Variants in PTPRD observed in about 807,000 individuals in gnomAD.
PTPRD encodes protein tyrosine phosphatase receptor type D, also known as receptor-type tyrosine-protein phosphatase delta.
Under a neutral mutation model 214.5 loss-of-function variants are expected in PTPRD, and 34 were observed. That is an observed-to-expected ratio of 0.16 (90% CI 0.12 to 0.21). The LOEUF (loss-of-function observed/expected upper bound fraction) is 0.21. Ranked by LOEUF, PTPRD falls within the 10% of genes least tolerant of loss-of-function variation. The pLI, the probability that PTPRD is intolerant of heterozygous loss-of-function variation, is 1.00. For synonymous variants in PTPRD, 1,128 were observed against 845.7 expected (o/e 1.33, Z -5.79); for missense variants, 2,545 against 2,398.7 (o/e 1.06, Z -1.27).
chr9:10,532,825 G>C (rs911982918), intron 2 of PTPRD, among the ~76,000 whole-genome samples: 1 of 151,788 alleles, frequency 6.6e-6, no homozygotes, highest in Non-Finnish European at 1.5e-5. Context: ...TTAGGTTGTG[G>C]TTTTCATGTA....
chr9:9,273,661 T>G (rs936084381), intron 9 of PTPRD, among the ~76,000 whole-genome samples: 1 of 151,244 alleles, frequency 6.6e-6, no homozygotes, highest in Non-Finnish European at 1.5e-5. Context: ...CTGACTCTAT[T>G]CCATAGAAAT....
At chr9:9,929,087 CAT>C (rs1166145144) in intron 5 of PTPRD, among the ~76,000 whole-genome samples, 5 of 152,042 alleles carry the variant, frequency 3.3e-5, no homozygotes, top group African/African-American at 1.2e-4. Flanking sequence ...CAATAGATAC[CAT>C]ATCTGTCCGC....
chr9:9,138,085 C>A (rs2099853819), intron 10 of PTPRD, among the ~76,000 whole-genome samples: 1 of 152,088 alleles, frequency 6.6e-6, no homozygotes. Flanking sequence ...CAAGACATTT[C>A]TCCTATGATA....
chr9:9,564,606 A>C (rs1453296473), intron 8 of PTPRD, among the ~76,000 whole-genome samples: 7 of 151,982 alleles, frequency 4.6e-5, no homozygotes. Flanking sequence ...AACAATTTTC[A>C]AACTTACTGA....
chr9:9,268,399 G>C (rs1415895720), intron 9 of PTPRD, among the ~76,000 whole-genome samples: 3 of 150,754 alleles, frequency 2.0e-5, no homozygotes, highest in Non-Finnish European at 4.5e-5. Context: ...TGTGGTGATG[G>C]ATTGAAAAAA....
chr9:9,689,729 G>T (rs2097232170), intron 7 of PTPRD, among the ~76,000 whole-genome samples: 2 of 151,850 alleles, frequency 1.3e-5, no homozygotes, highest in South Asian at 2.1e-4. Context: ...ATATGAGGAA[G>T]AGTACAATAT....
At chr9:9,899,403 G>A (rs1036437079) in intron 5 of PTPRD, among the ~76,000 whole-genome samples, 8 of 152,140 alleles carry the variant, frequency 5.3e-5, no homozygotes, top group African/African-American at 1.7e-4. Context: ...AATGTGAATC[G>A]ATATTTCTGT....
intron 7 of PTPRD, among the ~76,000 whole-genome samples, chr9:9,720,457 T>G (rs2097915378): frequency 6.6e-6 from 1 of 152,164 alleles, no homozygotes; most frequent in Non-Finnish European, 1.5e-5. Context: ...CTTATTTACT[T>G]AAGGACATGA....
chr9:10,578,520 A>G (rs1341411785), intron 2 of PTPRD, among the ~76,000 whole-genome samples: 2 of 152,176 alleles, frequency 1.3e-5, no homozygotes, highest in African/African-American at 4.8e-5. Flanking sequence ...GTCCAATAGA[A>G]ACTGTTGATT....
chr9:8,790,470 T>C (rs1319982072), intron 11 of PTPRD, among the ~76,000 whole-genome samples: 1 of 152,152 alleles, frequency 6.6e-6, no homozygotes, highest in African/African-American at 2.4e-5. Context: ...CAGGCTGTAG[T>C]GCAGTGGTGC....
chr9:9,155,099 T>C (rs2099880093), intron 10 of PTPRD, among the ~76,000 whole-genome samples: 1 of 152,138 alleles, frequency 6.6e-6, no homozygotes, highest in East Asian at 1.9e-4. Context: ...GCAATATCAG[T>C]TTCTTATGTA....
intron 8 of PTPRD, among the ~76,000 whole-genome samples, chr9:9,482,131 T>C (rs967388514): frequency 4.6e-5 from 7 of 151,782 alleles, no homozygotes; most frequent in East Asian, 3.9e-4. Context: ...TACAGACAGG[T>C]GGGCGAGGTT....
At chr9:10,381,286 T>G (rs1229749455) in intron 2 of PTPRD, among the ~76,000 whole-genome samples, 1 of 152,030 alleles carries the variant, frequency 6.6e-6, no homozygotes, top group Admixed American at 6.6e-5. Context: ...CACCATTTCT[T>G]AAGTATTTTA....
At chr9:9,527,548 T>G (rs2074413477) in intron 8 of PTPRD, among the ~76,000 whole-genome samples, 1 of 152,240 alleles carries the variant, frequency 6.6e-6, no homozygotes, top group Non-Finnish European at 1.5e-5. Context: ...TGCATTATTT[T>G]CTAATCAATT....
chr9:9,208,310 C>T (rs116522968), intron 9 of PTPRD, among the ~76,000 whole-genome samples: 1,984 of 151,600 alleles, frequency 0.013, 49 homozygotes, highest in African/African-American at 0.045. Flanking sequence ...CACCAAGCCC[C>T]GCCATCTGCT....
intron 5 of PTPRD, among the ~76,000 whole-genome samples, chr9:9,823,749 G>A (rs1298885453): frequency 6.6e-6 from 1 of 151,916 alleles, no homozygotes; most frequent in East Asian, 1.9e-4. Context: ...TGATAAAGAG[G>A]GATGGGTCCA....
At chr9:8,634,694 A>G (rs2096372394) in intron 13 of PTPRD, among the ~76,000 whole-genome samples, 1 of 152,118 alleles carries the variant, frequency 6.6e-6, no homozygotes, top group Non-Finnish European at 1.5e-5. Context: ...TTTGTTAAGC[A>G]TTCCATAATT....
At chr9:9,297,099 G>A (rs933492479) in intron 9 of PTPRD, among the ~76,000 whole-genome samples, 1 of 151,686 alleles carries the variant, frequency 6.6e-6, no homozygotes, top group Non-Finnish European at 1.5e-5. Context: ...GCTTCAGACT[G>A]TAATGATATG....
chr9:8,535,398 C>A (rs183480979), intron 14 of PTPRD, among the ~76,000 whole-genome samples: 230 of 152,026 alleles, frequency 1.5e-3, no homozygotes, highest in African/African-American at 5.2e-3. Flanking sequence ...TAAATACCCT[C>A]TTTTCCCTTT....
Sources: allele counts gnomAD v4.1 joint callset (sites outside exome capture counted in the v4.1 genomes callset), GRCh38; gene constraint gnomAD v4.1.1; transcripts MANE v1.5; gene names NCBI Gene and HGNC (gene_info 2026-07-23, HGNC 2026-07-21).